HAVCR2: variants seen among roughly 807,000 people sequenced by gnomAD.
HAVCR2 encodes the protein hepatitis A virus cellular receptor 2.
HAVCR2 carries 13 observed loss-of-function variants against 24.7 expected under a neutral mutation model. The observed-to-expected ratio is 0.53, with a 90% confidence interval of 0.34 to 0.84. HAVCR2 has a LOEUF of 0.84. HAVCR2 is among the 40% of genes least tolerant of loss of function. The pLI is 0.01. For synonymous variants in HAVCR2, 154 were observed against 143.4 expected (o/e 1.07, Z -0.53); for missense variants, 343 against 371.2 (o/e 0.92, Z 0.62).
chr5:157,089,324 AC>A lies in HAVCR2; in HGVS notation c.677-348del, dbSNP rs199739166. ...GACCAAAGAAATAAAAGAAAACAGTACCCCAGACCCAAGACCAGCCTGACCA... is the reference window on the plus strand; with the variant it reads ...GACCAAAGAAATAAAAGAAAACAGTACCCAGACCCAAGACCAGCCTGACCA... On this transcript the variant is annotated intron_variant, in intron 5 of 6. Coordinates refer to ENST00000307851, the MANE Select transcript of HAVCR2 (RefSeq NM_032782.5). Among the ~76,000 whole-genome samples the A allele has an allele frequency of 5.9e-4, 89 of 152,108 alleles. 1 individual carries two copies. The East Asian group carries it at 0.017, about 29-fold the overall frequency.
At chr5:157,096,286 G>C (rs1434388241) in intron 4 of HAVCR2, among the ~76,000 whole-genome samples, 1 of 150,208 alleles carries the variant, frequency 6.7e-6, no homozygotes, top group East Asian at 2.0e-4. Flanking sequence ...GAGTAATCCT[G>C]TAGAGTTATC....
At chr5:157,088,056 C>T (rs1581753897) in intron 6 of HAVCR2, among the ~76,000 whole-genome samples, 1 of 152,104 alleles carries the variant, frequency 6.6e-6, no homozygotes, top group Non-Finnish European at 1.5e-5. Flanking sequence ...CTCCTGTGCT[C>T]CAGCAATCCT....
intron 1 of HAVCR2, among the ~76,000 whole-genome samples, chr5:157,108,291 T>C (rs1251827365): frequency 6.6e-6 from 1 of 152,064 alleles, no homozygotes; most frequent in African/African-American, 2.4e-5. Flanking sequence ...GAGACCAGCC[T>C]GACCAACATG....
At chr5:157,108,336 T>C (rs1450984285) in intron 1 of HAVCR2, among the ~76,000 whole-genome samples, 1 of 151,860 alleles carries the variant, frequency 6.6e-6, no homozygotes, top group African/African-American at 2.4e-5. Flanking sequence ...TTAAAAACAT[T>C]AGCTGGGTGT....
chr5:157,104,025 A>G (rs1488579272), intron 3 of HAVCR2, among the ~76,000 whole-genome samples: 1 of 118,840 alleles, frequency 8.4e-6, no homozygotes, highest in African/African-American at 3.2e-5. Flanking sequence ...GGACTCACCT[A>G]TTAACCTCAT....
chr5:157,098,951 A>G, intron 3 of HAVCR2, 50 bp from the exon 4 acceptor site: 5 of 1,537,662 alleles, frequency 3.3e-6, no homozygotes, highest in Non-Finnish European at 4.4e-6. Flanking sequence ...CCAATAGTAT[A>G]GTTAAGAACG....
intron 2 of HAVCR2, 143 bp from the exon 3 acceptor site, chr5:157,104,892 C>T: frequency 1.8e-6 from 1 of 563,536 alleles, no homozygotes; most frequent in Admixed American, 2.7e-5. Flanking sequence ...TGCCTGGATA[C>T]CTACGTTGAG....
intron 1 of HAVCR2, among the ~76,000 whole-genome samples, chr5:157,107,789 T>C (rs1405521478): frequency 6.6e-6 from 1 of 152,134 alleles, no homozygotes; most frequent in African/African-American, 2.4e-5. Context: ...ATGCGTTATC[T>C]GATTGTTTCC....
rs753710650 is a variant in HAVCR2 at position 157,104,677 on chromosome 5, C to G, written c.467G>C (p.Gly156Ala). ...AAFPRMLTTR[G>A]HGPAETQTLG... ...CCATGCATAGTTACCTGGGCCATGT[C>G]CCCTGGTGGTAAGCATCCTTGGAAA... The change falls in exon 3 of 7, where the codon GGA (glycine) becomes GCA (alanine). Residue 156 changes from glycine to alanine, a missense_variant. Gly to Ala is a moderately conservative substitution (Grantham distance 60). Transcript: ENST00000307851. 1 of 1,601,672 alleles carries G rather than the reference C, an allele frequency of 6.2e-7. No homozygotes were observed. Among genetic ancestry groups the G allele is most frequent in the Non-Finnish European group, 8.5e-7 (1 of 1,172,932 alleles).
In HAVCR2 at chr5:157,098,906, A is replaced by G; in HGVS notation, c.479-5T>C. On this transcript the variant is annotated splice_polypyrimidine_tract_variant and splice_region_variant and intron_variant, in intron 3 of 6. Coordinates refer to ENST00000307851, the MANE Select transcript of HAVCR2 (RefSeq NM_032782.5). Reference sequence around the variant, plus strand: ...TCCCCAGTGTCTGTGTCTCTGCTATAAAAAGAGAGAGAGAGAGAGAGAGAG... The same window carrying G: ...TCCCCAGTGTCTGTGTCTCTGCTATGAAAAGAGAGAGAGAGAGAGAGAGAG... 2 of 1,611,974 alleles carry G rather than the reference A, an allele frequency of 1.2e-6. No individual in the cohort carries two copies. Among genetic ancestry groups the G allele is most frequent in the East Asian group, 4.5e-5 (2 of 44,828 alleles).
chr5:157,102,411 G>C (rs1393544629), intron 3 of HAVCR2, among the ~76,000 whole-genome samples: 1 of 152,144 alleles, frequency 6.6e-6, no homozygotes, highest in Non-Finnish European at 1.5e-5. Context: ...CCCACATTTA[G>C]AGTTGGTTTG....
intron 3 of HAVCR2, 76 bp downstream of exon 3, chr5:157,104,590 C>T: frequency 1.9e-6 from 2 of 1,046,166 alleles, no homozygotes; most frequent in East Asian, 5.3e-5. Context: ...GTTTTCTCAT[C>T]TTTTTTTCCC....
At chr5:157,096,015 C>CA (rs1319883734) in intron 4 of HAVCR2, among the ~76,000 whole-genome samples, 2 of 151,824 alleles carry the variant, frequency 1.3e-5, no homozygotes, top group African/African-American at 4.8e-5. Context: ...CACCTGACAT[C>CA]AGGAGTTTGA....
intron 1 of HAVCR2, among the ~76,000 whole-genome samples, chr5:157,107,496 G>T (rs1029488745): frequency 4.4e-4 from 67 of 152,110 alleles, no homozygotes; most frequent in African/African-American, 1.6e-3. Context: ...GTTAAATAAG[G>T]ATCTTGTGTA....
intron 3 of HAVCR2, among the ~76,000 whole-genome samples, chr5:157,099,148 A>T (rs904752304): frequency 3.9e-5 from 6 of 152,204 alleles, no homozygotes; most frequent in African/African-American, 1.4e-4. Flanking sequence ...TTTATGAAAT[A>T]GAGACTTCTG....
intron 5 of HAVCR2, among the ~76,000 whole-genome samples, chr5:157,094,273 G>C (rs1043315654): frequency 6.6e-5 from 10 of 151,760 alleles, no homozygotes; most frequent in Admixed American, 1.3e-4. Context: ...TCAAACTCCT[G>C]GGCTCAACTG....
In HAVCR2 at chr5:157,095,309, T is replaced by TGAAAATTAAA. The variant is rs1757078757; in HGVS notation, c.663_672dup (p.Lys225PhefsTer9). 6.2e-7 allele frequency: 1 copy of TGAAAATTAAA among 1,613,194 alleles called. No homozygotes were observed. Among genetic ancestry groups the TGAAAATTAAA allele is most frequent in the African/African-American group, 1.3e-5 (1 of 74,844 alleles). ...AGAGAGAAACAAAAACACTTACATT[T>TGAAAATTAAA]GAAAATTAAAGCGCCGAAGATAAGA... On this transcript the variant is annotated frameshift_variant, in exon 5 of 7. Transcript: ENST00000307851. LOFTEE classifies it low-confidence loss of function (END_TRUNC).
chr5:157,105,750 A>T (rs1757238194), intron 2 of HAVCR2, among the ~76,000 whole-genome samples: 1 of 152,182 alleles, frequency 6.6e-6, no homozygotes. Context: ...TACATGCATA[A>T]CCCAGCAGTT....
At chr5:157,106,412 G>C (rs1015352683) in intron 2 of HAVCR2, 1 of 557,688 alleles carries the variant, frequency 1.8e-6, no homozygotes, top group African/African-American at 1.9e-5. Context: ...TTAGAGGTGT[G>C]AGCCACCACG....
Sources: allele counts gnomAD v4.1 joint callset (sites outside exome capture counted in the v4.1 genomes callset), GRCh38; gene constraint gnomAD v4.1.1; transcripts MANE v1.5; gene names NCBI Gene and HGNC (gene_info 2026-07-23, HGNC 2026-07-21).